Variants in SYNCRIP observed in about 807,000 individuals in gnomAD.
SYNCRIP encodes heterogeneous nuclear ribonucleoprotein Q.
Under a neutral mutation model 68.9 loss-of-function variants are expected in SYNCRIP, and 9 were observed. That is an observed-to-expected ratio of 0.13 (90% CI 0.08 to 0.23). The LOEUF (loss-of-function observed/expected upper bound fraction) is 0.23, where lower values mean the gene tolerates loss of function less well. Ranked by LOEUF, SYNCRIP falls within the 10% of genes least tolerant of loss-of-function variation. The probability of loss-of-function intolerance (pLI) is 1.00; values close to 1 mark genes in which losing one functional copy is unlikely to be tolerated. For missense variants in SYNCRIP, 414 were observed against 770.6 expected, an observed-to-expected ratio of 0.54 and a Z score of 5.48; for synonymous variants, 258 against 254.0, an observed-to-expected ratio of 1.02 and a Z score of -0.15.
chr6:85,613,639 G>T (rs969156757), downstream of SYNCRIP, among the ~76,000 whole-genome samples: 2 of 152,154 alleles, frequency 1.3e-5, no homozygotes, highest in Non-Finnish European at 2.9e-5. Context: ...TTATCCTTCA[G>T]ATATATATTT....
chr6:85,640,375 TCTAATAAAATTCAGCAGA>T, intron 3 of SYNCRIP, 47 bp from the exon 4 acceptor site: 1 of 1,587,564 alleles, frequency 6.3e-7, no homozygotes, highest in Non-Finnish European at 8.6e-7. Context: ...CATATCTGAG[TCTAATAAAATTCAGCAGA>T]TAGTATCAAA....
At chr6:85,628,942 G>T (rs1807384052) in intron 6 of SYNCRIP, among the ~76,000 whole-genome samples, 1 of 152,056 alleles carries the variant, frequency 6.6e-6, no homozygotes, top group African/African-American at 2.4e-5. Flanking sequence ...TACCACTATG[G>T]CCTTTCATTT....
chr6:85,618,766 G>C, intron 10 of SYNCRIP, 52 bp downstream of exon 10: 4 of 1,434,192 alleles, frequency 2.8e-6, no homozygotes, highest in South Asian at 1.3e-5. Flanking sequence ...TTTCCAATTA[G>C]TGTATAAATA....
intron 10 of SYNCRIP, among the ~76,000 whole-genome samples, chr6:85,616,186 G>T (rs1483621976): frequency 2.6e-5 from 4 of 152,100 alleles, no homozygotes; most frequent in Non-Finnish European, 5.9e-5. Flanking sequence ...TCCAACTCAT[G>T]TTCCCTACAG....
intron 4 of SYNCRIP, among the ~76,000 whole-genome samples, chr6:85,639,100 C>T (rs567958842): frequency 9.2e-5 from 14 of 152,210 alleles, no homozygotes; most frequent in African/African-American, 2.9e-4. Flanking sequence ...CCCAGCTACT[C>T]GGGAGGCTGA....
At chr6:85,640,585 C>A in intron 2 of SYNCRIP, 21 bp from the exon 3 acceptor site, 1 of 1,456,728 alleles carries the variant, frequency 6.9e-7, no homozygotes, top group Admixed American at 2.2e-5. Context: ...TAAAAGTTAT[C>A]AGCTTTTAAT....
At chr6:85,620,455 AACAT>A (rs1187727595) in intron 8 of SYNCRIP, among the ~76,000 whole-genome samples, 17 of 152,220 alleles carry the variant, frequency 1.1e-4, no homozygotes, top group African/African-American at 4.1e-4. Flanking sequence ...CCAACTATGT[AACAT>A]TCTGAGAAGG....
chr6:85,611,916 TCTGA>T (rs1224134877), downstream of SYNCRIP: 4 of 152,540 alleles, frequency 2.6e-5, no homozygotes, highest in Non-Finnish European at 4.4e-5. Context: ...TCAGTTTTAG[TCTGA>T]CTTTTTATAA....
At chr6:85,640,731 G>T (rs755454630) in intron 2 of SYNCRIP, among the ~76,000 whole-genome samples, 167 bp from the exon 3 acceptor site, 1 of 149,300 alleles carries the variant, frequency 6.7e-6, no homozygotes, top group East Asian at 1.9e-4. Flanking sequence ...ACTGAATCCT[G>T]AACTAAATAT....
At position 85,622,570 on chromosome 6, in the gene SYNCRIP, A is replaced by G; in HGVS notation, c.920T>C (p.Met307Thr). The G allele has an allele frequency of 6.2e-7, 1 of 1,614,184 alleles. No individual in the cohort carries two copies. Among genetic ancestry groups the G allele is most frequent in the Non-Finnish European group, 8.5e-7 (1 of 1,180,030 alleles). Residue 307 changes from methionine to threonine, a missense_variant, in exon 8 of 11, where the codon ATG (methionine) becomes ACG (threonine). By Grantham distance (81) the Met-to-Thr change is moderately conservative. Coordinates refer to ENST00000369622, the MANE Select transcript of SYNCRIP (RefSeq NM_006372.5). ...KTAAQARRRL[M>T]SGKVKVWGNV... Reference sequence around the variant, plus strand: ...CCCCCAGACCTTGACTTTACCACTCATTAACCTACGCCTTGCCTGGGCAGC... The same window carrying G: ...CCCCCAGACCTTGACTTTACCACTCGTTAACCTACGCCTTGCCTGGGCAGC...
At chr6:85,641,976 A>G (rs1809215938) in intron 1 of SYNCRIP, among the ~76,000 whole-genome samples, 1 of 152,176 alleles carries the variant, frequency 6.6e-6, no homozygotes, top group Middle Eastern at 3.4e-3. Flanking sequence ...CCGCACCCAG[A>G]GCGGCAGTCT....
intron 4 of SYNCRIP, among the ~76,000 whole-genome samples, chr6:85,638,367 C>A (rs923329021): frequency 2.8e-5 from 3 of 107,390 alleles, no homozygotes; most frequent in African/African-American, 1.2e-4. Flanking sequence ...GATGACAGAG[C>A]AAGACCCCAT....
rs965060255 is a variant in SYNCRIP, at chr6:85,637,368, C to A, written c.376-12G>T. ...CTTTCCAAGAGTGCCTTGAAAAGTT[C>A]AAACGTCATTAATACATTTAATTCA... On this transcript the variant is annotated splice_polypyrimidine_tract_variant and intron_variant, in intron 4 of 10. Coordinates refer to ENST00000369622, the MANE Select transcript of SYNCRIP (RefSeq NM_006372.5). 1 of 1,555,128 alleles carries A rather than the reference C, an allele frequency of 6.4e-7. No homozygotes were observed. Among genetic ancestry groups the A allele is most frequent in the East Asian group, 2.2e-5 (1 of 44,622 alleles).
At chr6:85,643,635 T>C (rs547143930), upstream of SYNCRIP, 1 of 119,256 alleles carries the variant, frequency 8.4e-6, no homozygotes, top group Non-Finnish European at 1.8e-5. Context: ...CGCGACACCA[T>C]GCGCACGCCA....
intron 2 of SYNCRIP, 43 bp downstream of exon 2, chr6:85,641,249 T>C (rs773427518): frequency 9.0e-6 from 14 of 1,556,992 alleles, no homozygotes; most frequent in East Asian, 2.2e-5. Context: ...AGAAATCCAA[T>C]AGAAAAATTT....
chr6:85,628,931 A>G (rs531026996), intron 6 of SYNCRIP, among the ~76,000 whole-genome samples: 8 of 152,328 alleles, frequency 5.3e-5, no homozygotes, highest in African/African-American at 1.9e-4. Flanking sequence ...AACCTACAGC[A>G]TACCACTATG....
At chr6:85,623,491 G>A (rs1484252338) in intron 7 of SYNCRIP, among the ~76,000 whole-genome samples, 1 of 143,820 alleles carries the variant, frequency 7.0e-6, no homozygotes, top group Non-Finnish European at 1.5e-5. Flanking sequence ...TTGAATCTGG[G>A]AGGCAGAGGC....
intron 6 of SYNCRIP, among the ~76,000 whole-genome samples, chr6:85,625,333 C>CCT (rs372081146): frequency 1.3e-5 from 2 of 151,754 alleles, no homozygotes; most frequent in East Asian, 1.9e-4. Flanking sequence ...GCTACTTTCT[C>CCT]CTCTCTCTCT....
intron 8 of SYNCRIP, among the ~76,000 whole-genome samples, chr6:85,621,145 C>T (rs1229553786): frequency 6.6e-6 from 1 of 152,126 alleles, no homozygotes; most frequent in African/African-American, 2.4e-5. Flanking sequence ...AAGTGCTAAC[C>T]CAATGAGAAT....
Sources: allele counts gnomAD v4.1 joint callset (sites outside exome capture counted in the v4.1 genomes callset), GRCh38; gene constraint gnomAD v4.1.1; transcripts MANE v1.5; gene names NCBI Gene and HGNC (gene_info 2026-07-23, HGNC 2026-07-21).